Variants in ADCK1 observed in about 807,000 individuals in gnomAD.
The protein encoded by ADCK1 is aarF domain-containing protein kinase 1.
A neutral mutation model predicts 52.3 loss-of-function variants in ADCK1; 41 were observed. That is an observed-to-expected ratio of 0.78 (90% confidence interval 0.61 to 1.02). ADCK1 has a LOEUF of 1.02. Ranked by LOEUF, ADCK1 falls within the 50% of genes least tolerant of loss-of-function variation. The pLI is 0.00. For synonymous variants in ADCK1, 250 were observed against 274.6 expected, an observed-to-expected ratio of 0.91 and a Z score of 0.89; for missense variants, 658 against 679.5, an observed-to-expected ratio of 0.97 and a Z score of 0.35.
intron 3 of ADCK1, among the ~76,000 whole-genome samples, chr14:77,842,469 T>C (rs1470524122): frequency 2.3e-5 from 2 of 85,776 alleles, no homozygotes; most frequent in African/African-American, 6.1e-5. Flanking sequence ...CCTTCCTTCC[T>C]TCCTTCCTTC....
At chr14:77,893,847 C>T (rs56896542) in intron 5 of ADCK1, among the ~76,000 whole-genome samples, 1,844 of 151,940 alleles carry the variant, frequency 0.012, 35 homozygotes, top group African/African-American at 0.043. Context: ...GATTCTCCTA[C>T]CTCAGCCTCC....
At chr14:77,813,230 G>A (rs761160062) in intron 1 of ADCK1, among the ~76,000 whole-genome samples, 50 of 151,918 alleles carry the variant, frequency 3.3e-4, no homozygotes, top group Non-Finnish European at 5.7e-4. Context: ...TTGAACTCCC[G>A]ACCTCAGGTG....
At chr14:77,891,525 C>T (rs761253564) in intron 5 of ADCK1, among the ~76,000 whole-genome samples, 1 of 152,104 alleles carries the variant, frequency 6.6e-6, no homozygotes, top group Non-Finnish European at 1.5e-5. Context: ...AAGGTCAGAG[C>T]AATAATAGCA....
chr14:77,914,633 T>C, intron 7 of ADCK1: 1 of 974,802 alleles, frequency 1.0e-6, no homozygotes, highest in Non-Finnish European at 1.2e-6. Flanking sequence ...CCTGAGATTG[T>C]GTATTGGCTG....
At chr14:77,879,550 G>GAGGGTGGGGCAGGAGAGGT (rs1162347380) in intron 4 of ADCK1, among the ~76,000 whole-genome samples, 1 of 152,176 alleles carries the variant, frequency 6.6e-6, no homozygotes, top group Non-Finnish European at 1.5e-5. Flanking sequence ...GCAGAGGGAG[G>GAGGGTGGGGCAGGAGAGGT]AGGGTGGGGC....
chr14:77,806,189 G>T (rs1400758659), intron 1 of ADCK1, among the ~76,000 whole-genome samples: 1 of 151,798 alleles, frequency 6.6e-6, no homozygotes. Context: ...GCCTCCCAAA[G>T]TGTTGGGATT....
intron 5 of ADCK1, among the ~76,000 whole-genome samples, chr14:77,898,331 T>C (rs1290844204): frequency 6.6e-6 from 1 of 152,156 alleles, no homozygotes; most frequent in Admixed American, 6.5e-5. Flanking sequence ...GGATTAAGTT[T>C]AGTAGTAAGT....
chr14:77,852,896 TATA>T (rs2082334018), intron 3 of ADCK1, among the ~76,000 whole-genome samples: 1 of 35,762 alleles, frequency 2.8e-5, no homozygotes, highest in African/African-American at 1.3e-4. Context: ...TATATATATA[TATA>T]TATATATATT....
intron 7 of ADCK1, chr14:77,914,284 TG>T: frequency 2.5e-6 from 1 of 401,710 alleles, no homozygotes; most frequent in Non-Finnish European, 3.4e-6. Flanking sequence ...CTTGTTGTGG[TG>T]GGGTCTTTGC....
intron 3 of ADCK1, among the ~76,000 whole-genome samples, chr14:77,837,907 T>C (rs955641158): frequency 6.6e-6 from 1 of 152,200 alleles, no homozygotes; most frequent in African/African-American, 2.4e-5. Context: ...TTGGATGAGA[T>C]GTGTTTCTCT....
chr14:77,807,568 G>C (rs973298692), intron 1 of ADCK1, among the ~76,000 whole-genome samples: 2 of 149,164 alleles, frequency 1.3e-5, no homozygotes, highest in Non-Finnish European at 3.0e-5. Flanking sequence ...GGAGTGTGGT[G>C]GCATGATCTT....
At chr14:77,813,898 GC>G (rs1183223606) in intron 1 of ADCK1, among the ~76,000 whole-genome samples, 4 of 151,438 alleles carry the variant, frequency 2.6e-5, no homozygotes, top group Non-Finnish European at 4.4e-5. Flanking sequence ...CTCTTGAGTA[GC>G]TGAAACTAAA....
At chr14:77,893,999 C>T (rs1276855537) in intron 5 of ADCK1, among the ~76,000 whole-genome samples, 2 of 152,168 alleles carry the variant, frequency 1.3e-5, no homozygotes, top group African/African-American at 4.8e-5. Context: ...TCCCAAAGTG[C>T]TGGGATTACA....
intron 5 of ADCK1, among the ~76,000 whole-genome samples, chr14:77,897,548 A>AC (rs1480495587): frequency 3.3e-5 from 5 of 151,872 alleles, no homozygotes; most frequent in African/African-American, 1.2e-4. Flanking sequence ...ATCTTCTAAA[A>AC]CCCCCTCTTA....
intron 7 of ADCK1, among the ~76,000 whole-genome samples, chr14:77,920,037 T>C (rs2084014205): frequency 1.3e-5 from 2 of 152,216 alleles, no homozygotes; most frequent in Admixed American, 6.5e-5. Flanking sequence ...ATGGATTCCT[T>C]CCACTCTGTG....
At chr14:77,860,369 G>T (rs976877344) in intron 4 of ADCK1, among the ~76,000 whole-genome samples, 1 of 152,216 alleles carries the variant, frequency 6.6e-6, no homozygotes, top group East Asian at 1.9e-4. Context: ...GCTACTTGGC[G>T]CAGGGCCAGG....
In ADCK1 at chr14:77,899,781, C is replaced by A. The variant is rs192716250; in HGVS notation, c.741+523C>A. On this transcript the variant is annotated intron_variant, in intron 6 of 10. Transcript: ENST00000238561. ...TAGGGGCACAACACTCAAAAAAATT[C>A]ATCAGTGGCTGGGCACAGTGGCTCA... Among the ~76,000 whole-genome samples the A allele has an allele frequency of 1.1e-4, 17 of 152,262 alleles. No individual in the cohort carries two copies. In the East Asian group the frequency reaches 3.3e-3, roughly 29 times the overall value.
intron 6 of ADCK1, among the ~76,000 whole-genome samples, chr14:77,907,482 A>G (rs2140256703): frequency 6.6e-6 from 1 of 152,360 alleles, no homozygotes. Context: ...AGCAATGCCC[A>G]GGTGTGAGGT....
intron 1 of ADCK1, among the ~76,000 whole-genome samples, chr14:77,811,189 A>G (rs888322090): frequency 1.3e-5 from 2 of 151,882 alleles, no homozygotes; most frequent in Non-Finnish European, 2.9e-5. Flanking sequence ...GCATTTGTTA[A>G]AGCCTGGCAC....
Sources: allele counts gnomAD v4.1 joint callset (sites outside exome capture counted in the v4.1 genomes callset), GRCh38; gene constraint gnomAD v4.1.1; transcripts MANE v1.5; gene names NCBI Gene and HGNC (gene_info 2026-07-23, HGNC 2026-07-21).